Variants in MGAT4D observed in about 807,000 individuals in gnomAD.
MGAT4D encodes alpha-1,3-mannosyl-glycoprotein 4-beta-N-acetylglucosaminyltransferase-like protein MGAT4D.
A neutral mutation model predicts 15.9 loss-of-function variants in MGAT4D; 34 were observed. The observed-to-expected ratio is 2.14, with a 90% CI of 1.62 to 2.84. The LOEUF is 2.84. Ranked by LOEUF, MGAT4D falls within the 30% of genes most tolerant of loss-of-function variation. The pLI, the probability that MGAT4D is intolerant of heterozygous loss-of-function variation, is 0.00. For synonymous variants in MGAT4D, 112 were observed against 48.2 expected (o/e 2.33, Z -5.49); for missense variants, 327 against 140.2 (o/e 2.33, Z -6.73).
intron 1 of MGAT4D, among the ~76,000 whole-genome samples, chr4:140,491,106 T>A (rs1199425166): frequency 6.6e-6 from 1 of 152,244 alleles, no homozygotes; most frequent in Non-Finnish European, 1.5e-5. Flanking sequence ...TGGCATACAC[T>A]GTTATTGTAC....
chr4:140,491,145 A>C (rs1001220185), intron 1 of MGAT4D, among the ~76,000 whole-genome samples: 20 of 152,210 alleles, frequency 1.3e-4, no homozygotes, highest in African/African-American at 4.8e-4. Flanking sequence ...AGGACATTTC[A>C]ATTATTCTCT....
At chr4:140,448,818 C>A (rs1339672403) in intron 10 of MGAT4D, among the ~76,000 whole-genome samples, 1 of 152,178 alleles carries the variant, frequency 6.6e-6, no homozygotes, top group Non-Finnish European at 1.5e-5. Context: ...ATCCTTTCTT[C>A]TCTGAGTGTG....
intron 1 of MGAT4D, among the ~76,000 whole-genome samples, chr4:140,492,031 T>C (rs779967584): frequency 1.3e-5 from 2 of 152,198 alleles, no homozygotes; most frequent in Non-Finnish European, 2.9e-5. Flanking sequence ...GTTCACCCTA[T>C]GACTGCTTTC....
chr4:140,481,575 G>A (rs1480224960), intron 2 of MGAT4D, among the ~76,000 whole-genome samples: 1 of 152,140 alleles, frequency 6.6e-6, no homozygotes, highest in Non-Finnish European at 1.5e-5. Flanking sequence ...CTTTCAACTG[G>A]TGAGAGGATA....
At chr4:140,485,015 T>G (rs1370615542) in intron 1 of MGAT4D, among the ~76,000 whole-genome samples, 1 of 152,206 alleles carries the variant, frequency 6.6e-6, no homozygotes, top group Non-Finnish European at 1.5e-5. Flanking sequence ...GATCTAGAAC[T>G]GGAAATACCA....
chr4:140,456,331 G>A (rs1459438056), intron 9 of MGAT4D, among the ~76,000 whole-genome samples: 4 of 151,846 alleles, frequency 2.6e-5, no homozygotes, highest in Non-Finnish European at 4.4e-5. Flanking sequence ...GTAAGTATTG[G>A]CATGTTTGAA....
At chr4:140,452,175 C>G (rs1730516606) in intron 9 of MGAT4D, among the ~76,000 whole-genome samples, 1 of 151,508 alleles carries the variant, frequency 6.6e-6, no homozygotes, top group Non-Finnish European at 1.5e-5. Context: ...TTTTAAAAAA[C>G]AAAAACAAAA....
In MGAT4D at chr4:140,459,511, C is replaced by T; in HGVS notation, c.877+1G>A. 2 of 473,418 alleles carry T rather than the reference C, an allele frequency of 4.2e-6. No individual in the cohort carries two copies. Among genetic ancestry groups the T allele is most frequent in the Non-Finnish European group, 7.5e-6 (2 of 267,854 alleles). The allele number at this position is 473,418 out of a possible 1,614,324, so 29.3% of individuals were successfully genotyped here. A position where few individuals can be genotyped will look rare whatever the true frequency, so the allele number is the denominator to read the frequency against. ...TCCAACAAAGTAAATCCATTGCTTA[C>T]CTATGAATCCAAGCATTGAAAACTC... On this transcript the variant is annotated splice_donor_variant, in intron 8 of 10. Transcript: ENST00000511113. LOFTEE classifies it high-confidence loss of function.
chr4:140,486,512 C>A (rs547940411), intron 1 of MGAT4D, among the ~76,000 whole-genome samples: 2 of 152,072 alleles, frequency 1.3e-5, no homozygotes, highest in Non-Finnish European at 2.9e-5. Flanking sequence ...CGAAACAGGC[C>A]CCGGTGTGTG....
intron 9 of MGAT4D, 148 bp downstream of exon 9, chr4:140,456,441 T>C (rs557277232): frequency 4.7e-5 from 19 of 400,748 alleles, no homozygotes; most frequent in Non-Finnish European, 7.1e-5. Context: ...CTTCATTTAA[T>C]AGGTAGAAAG....
intron 5 of MGAT4D, among the ~76,000 whole-genome samples, chr4:140,465,968 C>T (rs1731506086): frequency 6.6e-6 from 1 of 152,176 alleles, no homozygotes; most frequent in Non-Finnish European, 1.5e-5. Flanking sequence ...AGCAGATGCA[C>T]ATCATCATTA....
Position 140,498,176 on chromosome 4 carries a change from G to A in MGAT4D, c.47C>T (p.Ala16Val). Residue 16 changes from alanine (A) to valine (V), a missense_variant, in exon 1 of 11, where the codon GCG becomes GTG. Coordinates refer to ENST00000511113, the MANE Select transcript of MGAT4D (RefSeq NM_001277353.2). ...GGAGAAGCAAGAGAAGCTGAACAAC[G>A]CGACGGCGACCAGGGTGATCAGCAA... ...VNLLITLVAV[A>V]LFSFSCFSIY... 1.4e-6 allele frequency: 1 copy of A among 702,650 alleles called. No individual in the cohort carries two copies. The allele number at this position is 702,650 out of a possible 1,614,324, so 43.5% of individuals were successfully genotyped here.
intron 10 of MGAT4D, among the ~76,000 whole-genome samples, chr4:140,448,507 G>T (rs1730273793): frequency 6.6e-6 from 1 of 152,176 alleles, no homozygotes; most frequent in South Asian, 2.1e-4. Flanking sequence ...ATACTTACAA[G>T]TTCATTAGGA....
intron 1 of MGAT4D, among the ~76,000 whole-genome samples, chr4:140,489,066 T>C (rs1278348711): frequency 1.3e-5 from 2 of 152,168 alleles, no homozygotes; most frequent in Non-Finnish European, 2.9e-5. Flanking sequence ...AATGCAAGAA[T>C]GGCCTACTAC....
chr4:140,497,231 A>G (rs1733894479), intron 1 of MGAT4D, among the ~76,000 whole-genome samples: 1 of 152,212 alleles, frequency 6.6e-6, no homozygotes, highest in Non-Finnish European at 1.5e-5. Flanking sequence ...AAACAACGTA[A>G]GAGCAATCGT....
chr4:140,454,334 CA>C (rs1334290696), intron 9 of MGAT4D, among the ~76,000 whole-genome samples: 7 of 152,190 alleles, frequency 4.6e-5, no homozygotes, highest in African/African-American at 1.7e-4. Flanking sequence ...TGAATTTTGT[CA>C]AATGATTTTT....
chr4:140,472,812 T>C (rs535652718), intron 4 of MGAT4D, among the ~76,000 whole-genome samples: 40 of 152,252 alleles, frequency 2.6e-4, no homozygotes, highest in Non-Finnish European at 4.0e-4. Context: ...AATAAGGCAA[T>C]AGGATGAAAC....
chr4:140,492,174 G>A (rs1454527992), intron 1 of MGAT4D, among the ~76,000 whole-genome samples: 1 of 152,092 alleles, frequency 6.6e-6, no homozygotes, highest in African/African-American at 2.4e-5. Flanking sequence ...ATATTGCTAA[G>A]ACCACAATGT....
At chr4:140,493,386 C>T (rs1277514466) in intron 1 of MGAT4D, among the ~76,000 whole-genome samples, 1 of 150,560 alleles carries the variant, frequency 6.6e-6, no homozygotes, top group Non-Finnish European at 1.5e-5. Flanking sequence ...AGCTCTGCCT[C>T]CCGGGTTCAC....
Sources: allele counts gnomAD v4.1 joint callset (sites outside exome capture counted in the v4.1 genomes callset), GRCh38; gene constraint gnomAD v4.1.1; transcripts MANE v1.5; gene names NCBI Gene and HGNC (gene_info 2026-07-23, HGNC 2026-07-21).